The following ZFYVE19 variants were observed in gnomAD, a reference collection of about 807,000 sequenced individuals.
ZFYVE19 encodes the protein abscission/NoCut checkpoint regulator.
A neutral mutation model predicts 62.8 loss-of-function variants in ZFYVE19; 49 were observed. The ratio of observed to expected loss-of-function variants is 0.78; its 90% CI spans 0.62 to 0.99. The LOEUF (loss-of-function observed/expected upper bound fraction) is 0.99, where lower values mean the gene tolerates loss of function less well. ZFYVE19 is among the 50% of genes least tolerant of loss of function. The pLI is 0.00. For synonymous variants in ZFYVE19, 242 were observed against 234.3 expected, an observed-to-expected ratio of 1.03 and a Z score of -0.30; for missense variants, 630 against 601.9, an observed-to-expected ratio of 1.05 and a Z score of -0.49.
chr15:40,809,993 GC>G, intron 4 of ZFYVE19, 23 bp downstream of exon 4: 3 of 1,614,204 alleles, frequency 1.9e-6, no homozygotes, highest in Non-Finnish European at 2.5e-6. Flanking sequence ...AGATGGGGTT[GC>G]CTAGAGGACA....
In ZFYVE19 at chr15:40,807,407, C is replaced by G; in HGVS notation, c.-183C>G. 6.2e-7 allele frequency: 1 copy of G among 1,614,270 alleles called. No homozygotes were observed. Among genetic ancestry groups the G allele is most frequent in the Admixed American group, 1.7e-5 (1 of 60,036 alleles). ...GCCTTCTCCTCAATGCCTAGCAGCG[C>G]GTACAGGTCCATCTGTAAGAGCTCC... On this transcript the variant is annotated 5_prime_UTR_variant, in exon 1 of 11. Transcript: ENST00000355341.
rs1890284031 is a variant in ZFYVE19, at chr15:40,807,499, G to A, written c.-91G>A. 3 of 1,610,842 alleles carry A rather than the reference G, an allele frequency of 1.9e-6. No individual in the cohort carries two copies. The highest frequency in any genetic ancestry group is 2.5e-6 in the Non-Finnish European group (3 of 1,177,534). ...AACTCCCAAGAGTCTAAGCGCGCGT[G>A]AGGACTGCAGGCTCCGAGCGGCGCC... is the stretch of plus-strand genomic sequence containing the variant. On this transcript the variant is annotated 5_prime_UTR_variant, in exon 1 of 11. Transcript: ENST00000355341.
rs144343927 is a variant in ZFYVE19, at chr15:40,813,849, C to G, written c.1209+38C>G. On this transcript the variant is annotated intron_variant, in intron 9 of 10. Coordinates refer to ENST00000355341, the MANE Select transcript of ZFYVE19 (RefSeq NM_001077268.2). ...CCAGATGCAGACCCCCAGGCTCCCC[C>G]CAGCCTTGCTTCCTGCCTGGCTGAC... The G allele has an allele frequency of 1.7e-3, 2,744 of 1,602,504 alleles. 6 individuals carry two copies. The highest frequency in any genetic ancestry group is 3.5e-3 in the Middle Eastern group (21 of 5,996).
In ZFYVE19 at chr15:40,807,707, GGGGCA is replaced by G. The variant is rs386382810; in HGVS notation, c.127_131del (p.Gln43LysfsTer8). On this transcript the variant is annotated frameshift_variant, in exon 1 of 11. Transcript: ENST00000355341. LOFTEE classifies it high-confidence loss of function. ...GACAGTGCCAGTGGGCGTGTGGGGC[GGGGCA>G]GGGCAGGGAAGGGAAGGGCGGAGCT... The G allele has an allele frequency of 3.1e-6, 5 of 1,602,294 alleles. No homozygotes were observed. Among genetic ancestry groups the G allele is most frequent in the Non-Finnish European group, 4.3e-6 (5 of 1,175,568 alleles).
chr15:40,809,170 A>T lies in ZFYVE19; in HGVS notation c.331A>T (p.Ser111Cys). The change falls in exon 2 of 11, where the codon AGT becomes TGT. Residue 111 changes from serine to cysteine, a missense_variant. Ser to Cys is a moderately radical substitution (Grantham distance 112). Transcript: ENST00000355341. Reference protein sequence around the residue: ...RAFCSGCLSFSAAVPRTGNTQ... With the variant: ...RAFCSGCLSFCAAVPRTGNTQ... Reference sequence around the variant, plus strand: ...CTTCTGTTCAGGCTGCCTAAGCTTCAGTGCAGCAGTGCCTCGGACTGGGAA... The same window carrying T: ...CTTCTGTTCAGGCTGCCTAAGCTTCTGTGCAGCAGTGCCTCGGACTGGGAA... The T allele has an allele frequency of 6.2e-7, 1 of 1,614,198 alleles. No individual in the cohort carries two copies. The highest frequency in any genetic ancestry group is 2.2e-5 in the East Asian group (1 of 44,884).
chr15:40,812,550 A>G lies in ZFYVE19; in HGVS notation c.827-149A>G, dbSNP rs1890521581. 7.4e-6 allele frequency: 5 copies of G among 677,472 alleles called. No homozygotes were observed. The South Asian group carries it at 1.1e-4, about 14-fold the overall frequency. 42.0% of individuals were successfully genotyped at this position (677,472 alleles called of 1,614,324 possible). A position where few individuals can be genotyped will look rare whatever the true frequency, so the allele number is the denominator to read the frequency against. On this transcript the variant is annotated intron_variant, in intron 6 of 10. Coordinates refer to ENST00000355341, the MANE Select transcript of ZFYVE19 (RefSeq NM_001077268.2). ...GACAGAGCGAGACTCCATCTCAAAA[A>G]AAAAAAAAAAGAAAGAAAGAAAGAA...
chr15:40,810,408 C>G (rs1018150869), intron 5 of ZFYVE19, among the ~76,000 whole-genome samples, 192 bp downstream of exon 5: 21 of 152,184 alleles, frequency 1.4e-4, no homozygotes, highest in Non-Finnish European at 7.3e-5. Flanking sequence ...AGCCTCCCAC[C>G]CCTACCTCCT....
chr15:40,813,250 C>A (rs965973140), intron 7 of ZFYVE19, 88 bp from the exon 8 acceptor site: 2 of 1,329,762 alleles, frequency 1.5e-6, no homozygotes, highest in African/African-American at 2.9e-5. Flanking sequence ...GGAACCGAAC[C>A]AGTTCTGGGA....
Position 40,813,901 on chromosome 15 carries a change from A to C in ZFYVE19, c.1210-42A>C, listed in dbSNP as rs377006173. 19 of 1,592,496 alleles carry C rather than the reference A, an allele frequency of 1.2e-5. No individual in the cohort carries two copies. In the Admixed American group the frequency reaches 3.3e-4, roughly 27 times the overall value. On this transcript the variant is annotated intron_variant, in intron 9 of 10. Coordinates refer to ENST00000355341, the MANE Select transcript of ZFYVE19 (RefSeq NM_001077268.2). ...GCTCCTGCAGCAGCTCACATACCCC[A>C]CTGGGTACCTTACTTCCTCCATTCC...
At position 40,812,795 on chromosome 15, in the gene ZFYVE19, T is replaced by G. The variant is rs1890536465; in HGVS notation, c.923T>G (p.Leu308Arg). The G allele has an allele frequency of 6.2e-7, 1 of 1,613,590 alleles. No individual in the cohort carries two copies. Among genetic ancestry groups the G allele is most frequent in the Non-Finnish European group, 8.5e-7 (1 of 1,179,998 alleles). ...NWSLEEEKSRLLAEAALELRE... is the reference protein window; with the variant it reads ...NWSLEEEKSRRLAEAALELRE... Reference sequence around the variant, plus strand: ...TCCTTGGAGGAGGAGAAGAGCAGACTGCTGGCTGAGGCAGCACTTGAGTTG... The same window carrying G: ...TCCTTGGAGGAGGAGAAGAGCAGACGGCTGGCTGAGGCAGCACTTGAGTTG... Residue 308 changes from leucine to arginine, a missense_variant, in exon 7 of 11, where the codon CTG (leucine) becomes CGG (arginine). By Grantham distance (102) the Leu-to-Arg change is moderately radical. Coordinates refer to ENST00000355341, the MANE Select transcript of ZFYVE19 (RefSeq NM_001077268.2).
At chr15:40,812,982 A>T in intron 7 of ZFYVE19, 80 bp downstream of exon 7, 1 of 1,504,428 alleles carries the variant, frequency 6.6e-7, no homozygotes, top group Non-Finnish European at 9.1e-7. Flanking sequence ...TGCTGGGGGT[A>T]TTTGCGCCCA....
intron 1 of ZFYVE19, 30 bp from the exon 2 acceptor site, chr15:40,809,089 G>A (rs1335045529): frequency 1.9e-6 from 3 of 1,610,466 alleles, no homozygotes; most frequent in Non-Finnish European, 2.5e-6. Flanking sequence ...GCGGGTGAGA[G>A]GGGGATCTCC....
Position 40,810,153 on chromosome 15 carries a change from G to A in ZFYVE19, c.654G>A (p.Gln218=). The A allele has an allele frequency of 6.2e-7, 1 of 1,614,136 alleles. No homozygotes were observed. The highest frequency in any genetic ancestry group is 8.5e-7 in the Non-Finnish European group (1 of 1,180,038). ...DERQGSIPST[Q]EMEARLAALQ... is the part of the protein sequence containing the mutation. ...GTCAGGGTTCCATCCCTTCCACCCAGGAAATGGAGGCACGACTTGCAGCGT... is the reference window on the plus strand; with the variant it reads ...GTCAGGGTTCCATCCCTTCCACCCAAGAAATGGAGGCACGACTTGCAGCGT... The change falls in exon 5 of 11, where the codon CAG becomes CAA. Residue 218 remains glutamine, a synonymous_variant. Transcript: ENST00000355341.
chr15:40,813,904 G>A (rs2141981557), intron 9 of ZFYVE19, 39 bp from the exon 10 acceptor site: 2 of 1,592,548 alleles, frequency 1.3e-6, no homozygotes, highest in East Asian at 4.5e-5. Flanking sequence ...ATACCCCACT[G>A]GGTACCTTAC....
Position 40,809,145 on chromosome 15 carries a change from C to T in ZFYVE19, c.306C>T (p.Ala102=), listed in dbSNP as rs748162000. The stretch of plus-strand genomic sequence containing the variant: ...ACGGCTGTAAGAATTGTGGCAGGGC[C>T]TTCTGTTCAGGCTGCCTAAGCTTCA... ...KEYGCKNCGR[A]FCSGCLSFSA... is the part of the protein sequence containing the mutation. Residue 102 remains alanine (A), a synonymous_variant, in exon 2 of 11, where the codon GCC becomes GCT. Transcript: ENST00000355341. 2 of 1,614,056 alleles carry T rather than the reference C, an allele frequency of 1.2e-6. No homozygotes were observed. The highest frequency in any genetic ancestry group is 1.7e-6 in the Non-Finnish European group (2 of 1,180,034).
intron 6 of ZFYVE19, 134 bp from the exon 7 acceptor site, chr15:40,812,556 AAAAAGAAAG>A: frequency 4.9e-5 from 27 of 545,816 alleles, no homozygotes; most frequent in African/African-American, 3.0e-4. Flanking sequence ...AAAAAAAAAA[AAAAAGAAAG>A]AAAGAAAGAA....
intron 9 of ZFYVE19, 64 bp downstream of exon 9, chr15:40,813,875 T>C: frequency 6.3e-7 from 1 of 1,593,990 alleles, no homozygotes; most frequent in Non-Finnish European, 8.6e-7. Context: ...CCTGGCTGAC[T>C]GCTCCTGCAG....
intron 6 of ZFYVE19, among the ~76,000 whole-genome samples, chr15:40,811,445 G>A (rs1173460785): frequency 6.6e-6 from 1 of 152,234 alleles, no homozygotes; most frequent in Non-Finnish European, 1.5e-5. Flanking sequence ...CTACAGGATA[G>A]AAGCCAGGGA....
At position 40,807,380 on chromosome 15, in the gene ZFYVE19, C is replaced by T. The variant is rs767818598; in HGVS notation, c.-210C>T. ...GCCACCGTTCTCACCTCTTTGTCCGCTGCCTTCTCCTCAATGCCTAGCAGC... is the reference window on the plus strand; with the variant it reads ...GCCACCGTTCTCACCTCTTTGTCCGTTGCCTTCTCCTCAATGCCTAGCAGC... On this transcript the variant is annotated 5_prime_UTR_variant, in exon 1 of 11. Transcript: ENST00000355341. 10 of 1,614,156 alleles carry T rather than the reference C, an allele frequency of 6.2e-6. No homozygotes were observed. Among genetic ancestry groups the T allele is most frequent in the African/African-American group, 5.3e-5 (4 of 74,948 alleles).
Sources: gnomAD v4.1 joint callset for allele counts (sites outside exome capture counted in the v4.1 genomes callset) on GRCh38, gnomAD v4.1.1 for gene constraint, MANE v1.5 for transcripts, NCBI Gene and HGNC (gene_info 2026-07-23, HGNC 2026-07-21) for gene names.